Variants in TRIO observed in about 807,000 individuals in gnomAD.
TRIO encodes triple functional domain protein.
In TRIO, 58 loss-of-function variants were observed where a neutral mutation model predicts 351.9. The ratio of observed to expected loss-of-function variants is 0.16; its 90% CI spans 0.13 to 0.21. The LOEUF (loss-of-function observed/expected upper bound fraction) is 0.21. Ranked by LOEUF, TRIO falls within the 10% of genes least tolerant of loss-of-function variation. The pLI, the probability that TRIO is intolerant of heterozygous loss-of-function variation, is 1.00. For synonymous variants in TRIO, 1,758 were observed against 1,595.7 expected (o/e 1.10, Z -2.42); for missense variants, 3,201 against 4,027.8 (o/e 0.79, Z 5.56).
intron 21 of TRIO, among the ~76,000 whole-genome samples, chr5:14,385,764 C>A (rs59405120): frequency 0.097 from 14,833 of 152,148 alleles, 1,096 homozygotes; most frequent in African/African-American, 0.21. Context: ...TTTTAAAGTT[C>A]ATAGGTTAGC....
intron 8 of TRIO, among the ~76,000 whole-genome samples, chr5:14,304,996 C>G (rs554108975): frequency 7.2e-5 from 11 of 152,182 alleles, no homozygotes; most frequent in Non-Finnish European, 1.5e-4. Context: ...TTTTAGAAAT[C>G]TAAGTGTAAC....
In TRIO at chr5:14,330,677, A is replaced by T. The variant is rs966109169; in HGVS notation, c.1732-101A>T. On this transcript the variant is annotated intron_variant, in intron 9 of 56. Coordinates refer to ENST00000344204, the MANE Select transcript of TRIO (RefSeq NM_007118.4). ...TTTTCTCGTTTGCTTCTTGTTTCTT[A>T]CAGAGTTTTAACAACAGAAGGGGTC... 16 of 1,372,064 alleles carry T rather than the reference A, an allele frequency of 1.2e-5. No homozygotes were observed. The African/African-American group carries it at 2.1e-4, about 18-fold the overall frequency. The allele number at this position is 1,372,064 out of a possible 1,614,324, so 85.0% of individuals were successfully genotyped here. A position where few individuals can be genotyped will look rare whatever the true frequency, so the allele number is the denominator to read the frequency against.
intron 48 of TRIO, among the ~76,000 whole-genome samples, chr5:14,491,007 C>T (rs1756443366): frequency 6.6e-6 from 1 of 152,164 alleles, no homozygotes; most frequent in African/African-American, 2.4e-5. Flanking sequence ...ACAGTGGGCA[C>T]CCACAGGGAC....
intron 1 of TRIO, among the ~76,000 whole-genome samples, chr5:14,233,892 G>A (rs1297347309): frequency 1.3e-5 from 2 of 152,118 alleles, no homozygotes; most frequent in Non-Finnish European, 2.9e-5. Context: ...CTGGGTTCAA[G>A]TGATTCTTTC....
At chr5:14,369,305 G>A in intron 17 of TRIO, 69 bp from the exon 18 acceptor site, 1 of 1,523,098 alleles carries the variant, frequency 6.6e-7, no homozygotes, top group South Asian at 1.3e-5. Context: ...CGACTGAAAG[G>A]GCTTTCCAGG....
Position 14,143,667 on chromosome 5 carries a change from C to G in TRIO, c.-59C>G. ...GCCAGGCCCGGCGCGGAGCGGGCGG[C>G]ACGCGGCGCTAGGGGCGCGGGGCCC... is the stretch of plus-strand genomic sequence containing the variant. On this transcript the variant is annotated 5_prime_UTR_variant, in exon 1 of 57. Transcript: ENST00000344204. 3.4e-6 allele frequency: 3 copies of G among 882,906 alleles called. No homozygotes were observed. Among genetic ancestry groups the G allele is most frequent in the Non-Finnish European group, 4.1e-6 (3 of 740,204 alleles). The allele number at this position is 882,906 out of a possible 1,614,324, so 54.7% of individuals were successfully genotyped here.
chr5:14,254,485 G>C (rs1200607319), intron 1 of TRIO, among the ~76,000 whole-genome samples: 1 of 152,152 alleles, frequency 6.6e-6, no homozygotes. Flanking sequence ...GACCATGATC[G>C]CCTTGTCTGG....
At chr5:14,274,917 C>T (rs768214362) in intron 2 of TRIO, among the ~76,000 whole-genome samples, 1 of 152,134 alleles carries the variant, frequency 6.6e-6, no homozygotes, top group Non-Finnish European at 1.5e-5. Context: ...ATTCCTGCCT[C>T]AGGTCTGGAA....
chr5:14,461,342 G>A (rs756214206), intron 35 of TRIO, 31 bp downstream of exon 35: 5 of 1,496,454 alleles, frequency 3.3e-6, no homozygotes, highest in Admixed American at 2.2e-5. Context: ...TGGGGCCGGC[G>A]TGGCGGGGCC....
chr5:14,160,923 T>C (rs1788411415), intron 1 of TRIO, among the ~76,000 whole-genome samples: 1 of 152,218 alleles, frequency 6.6e-6, no homozygotes, highest in African/African-American at 2.4e-5. Flanking sequence ...ATTTATTATT[T>C]TTTTTGAGAT....
At chr5:14,473,927 T>A (rs574959354) in intron 39 of TRIO, 67 bp from the exon 40 acceptor site, 3 of 1,504,902 alleles carry the variant, frequency 2.0e-6, no homozygotes, top group African/African-American at 2.7e-5. Context: ...TGACTATTAA[T>A]CAATAAGCCA....
intron 21 of TRIO, among the ~76,000 whole-genome samples, chr5:14,384,993 C>T (rs759826326): frequency 5.9e-5 from 9 of 152,194 alleles, no homozygotes; most frequent in Non-Finnish European, 1.3e-4. Context: ...TGGCCTTCAC[C>T]ATGAGATCAT....
intron 1 of TRIO, among the ~76,000 whole-genome samples, chr5:14,223,535 C>G (rs541127588): frequency 6.6e-6 from 1 of 152,124 alleles, no homozygotes; most frequent in Non-Finnish European, 1.5e-5. Context: ...GCCTAGGTGA[C>G]CCTGCTTGGC....
At chr5:14,452,986 G>A (rs905365363) in intron 34 of TRIO, among the ~76,000 whole-genome samples, 11 of 152,182 alleles carry the variant, frequency 7.2e-5, no homozygotes, top group Non-Finnish European at 1.5e-4. Context: ...GGCAGTCCCC[G>A]TGTTTTGTGT....
chr5:14,185,781 T>C (rs1790071934), intron 1 of TRIO, among the ~76,000 whole-genome samples: 1 of 152,186 alleles, frequency 6.6e-6, no homozygotes, highest in Non-Finnish European at 1.5e-5. Context: ...TGGACAAATG[T>C]GAGTCCTTGG....
chr5:14,414,495 G>A (rs1328493377), intron 33 of TRIO, among the ~76,000 whole-genome samples: 1 of 152,160 alleles, frequency 6.6e-6, no homozygotes, highest in Non-Finnish European at 1.5e-5. Flanking sequence ...GAGCATGTGA[G>A]TAGACAGTAG....
At chr5:14,416,842 T>G (rs1267247684) in intron 33 of TRIO, among the ~76,000 whole-genome samples, 2 of 152,058 alleles carry the variant, frequency 1.3e-5, no homozygotes, top group African/African-American at 4.8e-5. Context: ...GATGAGACAG[T>G]GCACTTCCCA....
chr5:14,422,953 A>G (rs1239751736), intron 34 of TRIO, among the ~76,000 whole-genome samples: 2 of 152,126 alleles, frequency 1.3e-5, no homozygotes, highest in Non-Finnish European at 2.9e-5. Context: ...AGCAAGACCC[A>G]GTCTCTTTAA....
chr5:14,374,127 A>G, intron 18 of TRIO, 102 bp from the exon 19 acceptor site: 1 of 749,480 alleles, frequency 1.3e-6, no homozygotes, highest in South Asian at 1.9e-5. Context: ...GGCCAGATAA[A>G]TATTTTAGGT....
Sources: allele counts gnomAD v4.1 joint callset (sites outside exome capture counted in the v4.1 genomes callset), GRCh38; gene constraint gnomAD v4.1.1; transcripts MANE v1.5; gene names NCBI Gene and HGNC (gene_info 2026-07-23, HGNC 2026-07-21).